The following MACROD2 variants were observed in gnomAD, a reference collection of about 807,000 sequenced individuals.
MACROD2 encodes the protein mono-ADP ribosylhydrolase 2.
A neutral mutation model predicts 70.4 loss-of-function variants in MACROD2; 36 were observed. The observed-to-expected ratio is 0.51, with a 90% CI of 0.39 to 0.68. The LOEUF is 0.68. MACROD2 is among the 30% of genes least tolerant of loss of function. The pLI, the probability that MACROD2 is intolerant of heterozygous loss-of-function variation, is 0.00. For missense variants in MACROD2, 496 were observed against 538.4 expected (o/e 0.92, Z 0.78); for synonymous variants, 172 against 178.8 (o/e 0.96, Z 0.30).
chr20:15,750,848 C>A (rs1399469327), intron 8 of MACROD2, among the ~76,000 whole-genome samples: 1 of 149,822 alleles, frequency 6.7e-6, no homozygotes, highest in African/African-American at 2.4e-5. Flanking sequence ...GAGGACAGAA[C>A]AAATACCTCA....
At chr20:15,871,746 T>C (rs2064587425) in intron 9 of MACROD2, among the ~76,000 whole-genome samples, 1 of 152,176 alleles carries the variant, frequency 6.6e-6, no homozygotes, top group Non-Finnish European at 1.5e-5. Context: ...CAGTTCAGAT[T>C]GGAAAAATTG....
intron 5 of MACROD2, among the ~76,000 whole-genome samples, chr20:14,826,523 C>T (rs914056529): frequency 1.3e-5 from 2 of 152,012 alleles, no homozygotes; most frequent in East Asian, 3.9e-4. Flanking sequence ...CCAAATTACT[C>T]CAGACCCTAA....
chr20:15,656,646 G>A (rs1189973677), intron 8 of MACROD2, among the ~76,000 whole-genome samples: 1 of 152,158 alleles, frequency 6.6e-6, no homozygotes, highest in African/African-American at 2.4e-5. Context: ...CAGCTGTCTT[G>A]AGGTCCCTGA....
At chr20:14,508,370 C>T (rs987517049) in intron 4 of MACROD2, among the ~76,000 whole-genome samples, 1 of 152,012 alleles carries the variant, frequency 6.6e-6, no homozygotes, top group African/African-American at 2.4e-5. Flanking sequence ...TAAGGAAATA[C>T]CTGTCAAATT....
intron 3 of MACROD2, among the ~76,000 whole-genome samples, chr20:14,369,550 A>G (rs767546683): frequency 6.6e-6 from 1 of 152,110 alleles, no homozygotes; most frequent in Non-Finnish European, 1.5e-5. Flanking sequence ...GTTGATTCTG[A>G]CACTTTTGCT....
intron 3 of MACROD2, among the ~76,000 whole-genome samples, chr20:14,268,573 T>C (rs2082163940): frequency 6.6e-6 from 1 of 152,184 alleles, no homozygotes; most frequent in Admixed American, 6.5e-5. Context: ...TGATGGTATA[T>C]ATTTCATAGG....
intron 3 of MACROD2, among the ~76,000 whole-genome samples, chr20:14,427,277 C>G (rs900247394): frequency 6.6e-6 from 1 of 151,940 alleles, no homozygotes; most frequent in Non-Finnish European, 1.5e-5. Context: ...ATAAATCTAG[C>G]AGATATTTTT....
intron 5 of MACROD2, among the ~76,000 whole-genome samples, chr20:15,088,417 A>T (rs1353341920): frequency 1.1e-4 from 6 of 54,188 alleles, no homozygotes; most frequent in African/African-American, 3.2e-4. Flanking sequence ...ATATATATAT[A>T]TATATATATA....
At chr20:14,791,204 A>G (rs1568797860) in intron 5 of MACROD2, among the ~76,000 whole-genome samples, 7 of 152,230 alleles carry the variant, frequency 4.6e-5, no homozygotes, top group South Asian at 2.1e-4. Context: ...TTTTGTTTAA[A>G]TATACTATGT....
intron 2 of MACROD2, among the ~76,000 whole-genome samples, chr20:14,082,086 G>A (rs1007900986): frequency 4.0e-5 from 6 of 151,202 alleles, no homozygotes; most frequent in African/African-American, 1.5e-4. Context: ...AAAATTTGCA[G>A]ATGACAGATT....
At chr20:14,123,285 G>A (rs1390875900) in intron 3 of MACROD2, among the ~76,000 whole-genome samples, 2 of 152,074 alleles carry the variant, frequency 1.3e-5, no homozygotes, top group East Asian at 3.9e-4. Context: ...AAATCATATA[G>A]GACCTTTAGT....
intron 5 of MACROD2, among the ~76,000 whole-genome samples, chr20:14,878,021 G>A (rs1568849982): frequency 1.3e-5 from 2 of 151,982 alleles, no homozygotes; most frequent in Admixed American, 1.3e-4. Context: ...TTTTCCTCAA[G>A]TTTTTAGAAT....
At chr20:15,897,851 C>T (rs1274067236) in intron 10 of MACROD2, among the ~76,000 whole-genome samples, 1 of 152,106 alleles carries the variant, frequency 6.6e-6, no homozygotes, top group East Asian at 1.9e-4. Flanking sequence ...AACTTCTGCA[C>T]TTGGTTATTT....
intron 4 of MACROD2, among the ~76,000 whole-genome samples, chr20:14,540,887 A>G (rs1273565032): frequency 6.6e-6 from 1 of 152,188 alleles, no homozygotes; most frequent in Non-Finnish European, 1.5e-5. Context: ...TAATGAGCTC[A>G]TGTTCTCATT....
intron 7 of MACROD2, among the ~76,000 whole-genome samples, chr20:15,479,914 A>G (rs373192385): frequency 2.0e-5 from 3 of 152,246 alleles, no homozygotes; most frequent in Admixed American, 1.3e-4. Flanking sequence ...ACCTATATGC[A>G]TGAATATGCA....
chr20:15,142,410 A>G (rs2076198309), intron 5 of MACROD2, among the ~76,000 whole-genome samples: 1 of 152,186 alleles, frequency 6.6e-6, no homozygotes, highest in Admixed American at 6.5e-5. Flanking sequence ...AAAGAAAAAT[A>G]TTTGTTCATA....
At chr20:15,962,249 AT>A (rs2066073474) in intron 12 of MACROD2, among the ~76,000 whole-genome samples, 1 of 152,226 alleles carries the variant, frequency 6.6e-6, no homozygotes, top group African/African-American at 2.4e-5. Context: ...GAGTGGGAAC[AT>A]TTACAAAGAA....
intron 8 of MACROD2, among the ~76,000 whole-genome samples, chr20:15,847,138 G>A (rs1445812561): frequency 6.6e-6 from 1 of 151,982 alleles, no homozygotes; most frequent in Non-Finnish European, 1.5e-5. Context: ...TTTTACAGCT[G>A]TTCACAGAAT....
intron 8 of MACROD2, among the ~76,000 whole-genome samples, chr20:15,558,815 T>C (rs2048202843): frequency 6.6e-6 from 1 of 152,240 alleles, no homozygotes; most frequent in Admixed American, 6.5e-5. Context: ...GCCCTGATAG[T>C]ATCATTTCTT....
Sources: allele counts gnomAD v4.1 joint callset (sites outside exome capture counted in the v4.1 genomes callset), GRCh38; gene constraint gnomAD v4.1.1; transcripts MANE v1.5; gene names NCBI Gene and HGNC (gene_info 2026-07-23, HGNC 2026-07-21).